The following PPCS variants were observed in gnomAD, a reference collection of about 807,000 sequenced individuals.
PPCS encodes the protein phosphopantothenoylcysteine synthetase.
PPCS carries 17 observed loss-of-function variants against 24.6 expected under a neutral mutation model. That is an observed-to-expected ratio of 0.69 (90% CI 0.47 to 1.04). The LOEUF (loss-of-function observed/expected upper bound fraction) is 1.04. Among genes scored for constraint, PPCS ranks in the 50% least tolerant of loss-of-function variants. The probability of loss-of-function intolerance (pLI) is 0.00; values close to 1 mark genes in which losing one functional copy is unlikely to be tolerated. For synonymous variants in PPCS, 190 were observed against 168.3 expected, an observed-to-expected ratio of 1.13 and a Z score of -1.00; for missense variants, 360 against 402.8, an observed-to-expected ratio of 0.89 and a Z score of 0.91.
chr1:42,471,996 A>G (rs1443583923), intron 2 of PPCS, among the ~76,000 whole-genome samples: 2 of 152,220 alleles, frequency 1.3e-5, no homozygotes, highest in Non-Finnish European at 2.9e-5. Flanking sequence ...GTATTTGATT[A>G]GAACAGCAAG....
chr1:42,460,198 G>T lies in PPCS; in HGVS notation c.*272G>T, dbSNP rs1455226618. 8.8e-7 allele frequency: 1 copy of T among 1,136,336 alleles called. No individual in the cohort carries two copies. The highest frequency in any genetic ancestry group is 1.6e-5 in the African/African-American group (1 of 62,468). The allele number at this position is 1,136,336 out of a possible 1,614,324, so 70.4% of individuals were successfully genotyped here. Reference sequence around the variant, plus strand: ...TTCCTTAAAATATACATGGGGGCCTGAATGTCAGCCATCTTTATACTATAG... The same window carrying T: ...TTCCTTAAAATATACATGGGGGCCTTAATGTCAGCCATCTTTATACTATAG... On this transcript the variant is annotated 3_prime_UTR_variant, in exon 3 of 3. Coordinates refer to ENST00000372561, the MANE Select transcript of PPCS (RefSeq NM_024664.4).
At chr1:42,458,597 G>A (rs959556357) in intron 2 of PPCS, among the ~76,000 whole-genome samples, 4 of 152,174 alleles carry the variant, frequency 2.6e-5, no homozygotes, top group Non-Finnish European at 5.9e-5. Context: ...TAAATGCTAA[G>A]GAGAAAAATA....
intron 2 of PPCS, among the ~76,000 whole-genome samples, chr1:42,470,808 G>A (rs541080347): frequency 1.3e-5 from 2 of 152,272 alleles, no homozygotes; most frequent in South Asian, 4.1e-4. Context: ...GGGGTGAGGG[G>A]AATGAGAAGT....
chr1:42,457,012 C>A lies in PPCS; in HGVS notation c.447C>A (p.Phe149Leu). The change falls in exon 1 of 3, where the codon TTC becomes TTA. Residue 149 changes from phenylalanine to leucine, a missense_variant. By Grantham distance (22) the Phe-to-Leu change is conservative. This residue lies in a region of PPCS where 244 missense variants were observed against 234.7 expected (regional missense o/e 1.04). Transcript: ENST00000372561. ...AAAGTFLAVE[F>L]TTLADYLHLL... ...CAGGCACCTTCCTGGCAGTAGAGTT[C>A]ACCACTTTGGCGGACTATTTGCATC... 6.2e-7 allele frequency: 1 copy of A among 1,602,036 alleles called. No individual in the cohort carries two copies. Among genetic ancestry groups the A allele is most frequent in the Non-Finnish European group, 8.5e-7 (1 of 1,179,866 alleles).
intron 2 of PPCS, chr1:42,459,216 G>A (rs552660150): frequency 1.4e-5 from 2 of 147,600 alleles, no homozygotes; most frequent in East Asian, 4.0e-4. Flanking sequence ...AGGCTGAAGT[G>A]CAGTGGCATG....
At chr1:42,459,299 A>G (rs757076682) in intron 2 of PPCS, 3 of 295,868 alleles carry the variant, frequency 1.0e-5, no homozygotes, top group Non-Finnish European at 1.9e-5. Context: ...AGTAGCTGGG[A>G]CTACAGGTGG....
chr1:42,468,003 C>T (rs548767300), intron 2 of PPCS, among the ~76,000 whole-genome samples: 2 of 152,330 alleles, frequency 1.3e-5, no homozygotes, highest in South Asian at 4.1e-4. Flanking sequence ...AGCTCAGAGA[C>T]AGAAGACCTC....
intron 2 of PPCS, among the ~76,000 whole-genome samples, chr1:42,458,559 G>A (rs1388889272): frequency 2.0e-5 from 3 of 152,194 alleles, no homozygotes; most frequent in African/African-American, 7.2e-5. Flanking sequence ...CAATAAATAA[G>A]TCAAATACAT....
downstream of PPCS, chr1:42,464,047 C>G (rs1286572359): frequency 6.6e-6 from 1 of 152,262 alleles, no homozygotes; most frequent in Non-Finnish European, 1.5e-5. Context: ...GTCTGCACCA[C>G]CTCTGTCATC....
At chr1:42,466,121 G>A (rs1410358648), downstream of PPCS, among the ~76,000 whole-genome samples, 2 of 152,174 alleles carry the variant, frequency 1.3e-5, no homozygotes, top group Non-Finnish European at 2.9e-5. Flanking sequence ...TGTGTGAAAG[G>A]AGTGGAAAAT....
chr1:42,457,411 T>C, intron 2 of PPCS, 61 bp downstream of exon 2: 2 of 1,445,344 alleles, frequency 1.4e-6, no homozygotes, highest in African/African-American at 2.8e-5. Context: ...GTTAATTTCC[T>C]CTTGATCTGG....
downstream of PPCS, among the ~76,000 whole-genome samples, chr1:42,464,967 CT>C (rs375647149): frequency 8.3e-3 from 1,261 of 152,296 alleles, 14 homozygotes; most frequent in Non-Finnish European, 0.012. Context: ...GTTCTGCAGC[CT>C]TTTCAATCTT....
chr1:42,462,875 A>G (rs1172150938), downstream of PPCS, among the ~76,000 whole-genome samples: 1 of 152,182 alleles, frequency 6.6e-6, no homozygotes, highest in African/African-American at 2.4e-5. Flanking sequence ...TACGTGCCCC[A>G]CGTGGCTAGT....
chr1:42,472,120 GGC>G (rs1311820351), intron 2 of PPCS, among the ~76,000 whole-genome samples: 9 of 151,998 alleles, frequency 5.9e-5, no homozygotes, highest in Non-Finnish European at 1.0e-4. Flanking sequence ...CAGGTGTGGT[GGC>G]ACACACCTGT....
chr1:42,458,961 T>A (rs1281898555), intron 2 of PPCS, among the ~76,000 whole-genome samples: 1 of 152,216 alleles, frequency 6.6e-6, no homozygotes, highest in Non-Finnish European at 1.5e-5. Flanking sequence ...TTCTGCCAAA[T>A]ATTTGTATGA....
Position 42,459,610 on chromosome 1 carries a change from T to C in PPCS, c.620T>C (p.Met207Thr), listed in dbSNP as rs769268931. The C allele has an allele frequency of 6.2e-7, 1 of 1,613,030 alleles. No homozygotes were observed. Among genetic ancestry groups the C allele is most frequent in the South Asian group, 1.1e-5 (1 of 91,030 alleles). ...QSSGGPLQIT[M>T]KMVPKLLSPL... The stretch of plus-strand genomic sequence containing the variant: ...TTTCTTTTTCCAATACAGATAACAA[T>C]GAAGATGGTGCCAAAACTGCTTTCT... Residue 207 changes from methionine (M) to threonine (T), a missense_variant, in exon 3 of 3, where the codon ATG becomes ACG. Coordinates refer to ENST00000372561, the MANE Select transcript of PPCS (RefSeq NM_024664.4).
downstream of PPCS, chr1:42,463,353 C>A (rs1643466512): frequency 6.6e-6 from 1 of 152,356 alleles, no homozygotes; most frequent in South Asian, 2.1e-4. Flanking sequence ...CGAGCGACCC[C>A]GGGACGCTCG....
chr1:42,470,989 G>A (rs772546058), intron 2 of PPCS, among the ~76,000 whole-genome samples: 1 of 152,160 alleles, frequency 6.6e-6, no homozygotes, highest in Non-Finnish European at 1.5e-5. Context: ...TAAGAAAAAG[G>A]GGGAAGAAGC....
chr1:42,464,181 T>A (rs747765562), downstream of PPCS: 12 of 152,176 alleles, frequency 7.9e-5, no homozygotes, highest in Admixed American at 2.0e-4. Flanking sequence ...AACCTTTCAG[T>A]CTTGGGTAAA....
Sources: gnomAD v4.1 joint callset for allele counts (sites outside exome capture counted in the v4.1 genomes callset) on GRCh38, gnomAD v4.1.1 for gene constraint, gnomAD v4.1.1 regional missense constraint, MANE v1.5 for transcripts, NCBI Gene and HGNC (gene_info 2026-07-23, HGNC 2026-07-21) for gene names.